SEMA4B: variants seen among roughly 807,000 people sequenced by gnomAD.
SEMA4B encodes semaphorin 4B.
SEMA4B carries 55 observed loss-of-function variants against 88.1 expected under a neutral mutation model. The ratio of observed to expected loss-of-function variants is 0.62; its 90% CI spans 0.50 to 0.78. SEMA4B has a LOEUF of 0.78. SEMA4B is among the 30% of genes least tolerant of loss of function. SEMA4B has a pLI of 0.00. For synonymous variants in SEMA4B, 525 were observed against 473.6 expected (o/e 1.11, Z -1.41); for missense variants, 1,062 against 1,111.9 (o/e 0.96, Z 0.64).
At chr15:90,205,014 A>G in intron 1 of SEMA4B, among the ~76,000 whole-genome samples, 1 of 152,192 alleles carries the variant, frequency 6.6e-6, no homozygotes, top group East Asian at 1.9e-4. Context: ...ACCTTAGGTG[A>G]TCTGCCCATC....
chr15:90,201,881 G>A, intron 1 of SEMA4B, 146 bp downstream of exon 1: 3 of 783,706 alleles, frequency 3.8e-6, no homozygotes, highest in Non-Finnish European at 5.5e-6. Flanking sequence ...TTTTCAAGGC[G>A]CTGCGCGGAG....
intron 1 of SEMA4B, among the ~76,000 whole-genome samples, chr15:90,207,847 T>A (rs1468968260): frequency 6.6e-6 from 1 of 152,218 alleles, no homozygotes; most frequent in Non-Finnish European, 1.5e-5. Context: ...GGCAGACATG[T>A]GGCACACAGG....
At position 90,201,662 on chromosome 15, in the gene SEMA4B, C is replaced by CCTG. The variant is rs770362220; in HGVS notation, c.96_98dup (p.Leu35dup). ...CGCCTCGGCCACCGCTGCTGCTGCT[C>CCTG]CTGCTGCTGCTGCTCCTGCTGCAGC... On this transcript the variant is annotated inframe_insertion, in exon 1 of 14. Transcript: ENST00000411539. 185 of 1,516,654 alleles carry CCTG rather than the reference C, an allele frequency of 1.2e-4. 2 individuals carry two copies. The highest frequency in any genetic ancestry group is 9.7e-5 in the Non-Finnish European group (110 of 1,139,774). The allele number at this position is 1,516,654 out of a possible 1,614,324, so 93.9% of individuals were successfully genotyped here.
chr15:90,219,831 C>G lies in SEMA4B; in HGVS notation c.423C>G (p.Leu141=). 2 of 1,613,608 alleles carry G rather than the reference C, an allele frequency of 1.2e-6. No homozygotes were observed. Among genetic ancestry groups the G allele is most frequent in the Non-Finnish European group, 1.7e-6 (2 of 1,179,786 alleles). ...ACTACATCAAGATCCTCCTGCCGCT[C>G]AGCGGCAGTCACCTGTTCACCTGTG... ...CQNYIKILLP[L]SGSHLFTCGT... The change falls in exon 4 of 14, where the codon CTC becomes CTG. Residue 141 remains leucine, a synonymous_variant. Transcript: ENST00000411539.
chr15:90,195,122 C>A (rs574106016), intron 1 of SEMA4B, among the ~76,000 whole-genome samples: 2 of 150,722 alleles, frequency 1.3e-5, no homozygotes, highest in East Asian at 3.9e-4. Context: ...TTTTTTTAGA[C>A]AGGGTCTCAT....
intron 1 of SEMA4B, among the ~76,000 whole-genome samples, chr15:90,211,217 G>T (rs1258524101): frequency 6.6e-6 from 1 of 152,204 alleles, no homozygotes. Flanking sequence ...CTCCTAAGGT[G>T]ACGGCAGTGG....
In SEMA4B at chr15:90,212,343, G is replaced by A. The variant is rs913662316; in HGVS notation, c.158-5096G>A. Among the ~76,000 whole-genome samples the A allele has an allele frequency of 6.6e-6, 1 of 152,140 alleles. No homozygotes were observed. Among genetic ancestry groups the A allele is most frequent in the African/African-American group, 2.4e-5 (1 of 41,430 alleles). ...GTGAAGCCCCTGGCTGAAGCCTGTC[G>A]GGGTGGAGGGAGAGGGTTCACCCTG... On this transcript the variant is annotated intron_variant, in intron 1 of 13. Coordinates refer to ENST00000411539, the MANE Select transcript of SEMA4B (RefSeq NM_198925.4). The surrounding 1 kb of genome is among the most constrained non-coding windows in gnomAD (Gnocchi z 4.0).
Position 90,201,637 on chromosome 15 carries a change from C to G in SEMA4B, c.59C>G (p.Pro20Arg). 6.6e-7 allele frequency: 1 copy of G among 1,517,070 alleles called. No homozygotes were observed. The highest frequency in any genetic ancestry group is 8.8e-7 in the Non-Finnish European group (1 of 1,140,130). 94.0% of individuals were successfully genotyped at this position (1,517,070 alleles called of 1,614,324 possible). A position where few individuals can be genotyped will look rare whatever the true frequency, so the allele number is the denominator to read the frequency against. ...CTCGCCGCCCCATGGGGCGCGCTGCCGCCTCGGCCACCGCTGCTGCTGCTC... is the reference window on the plus strand; with the variant it reads ...CTCGCCGCCCCATGGGGCGCGCTGCGGCCTCGGCCACCGCTGCTGCTGCTC... The part of the protein sequence containing the change: ...SWLAAPWGAL[P>R]PRPPLLLLLL... The change falls in exon 1 of 14, where the codon CCG (proline) becomes CGG (arginine). Residue 20 changes from proline (P) to arginine (R), a missense_variant. Physicochemically the swap from Pro to Arg is moderately radical, Grantham distance 103 (BLOSUM62 -2). Transcript: ENST00000411539.
At chr15:90,204,748 C>T (rs1445037262) in intron 1 of SEMA4B, among the ~76,000 whole-genome samples, 1 of 152,032 alleles carries the variant, frequency 6.6e-6, no homozygotes, top group Non-Finnish European at 1.5e-5. Flanking sequence ...TCTTTTTGGG[C>T]CACCTTATTT....
At position 90,201,711 on chromosome 15, in the gene SEMA4B, AGCC is replaced by A; in HGVS notation, c.134_136del (p.Ser45_Pro46delinsThr). ...GCCGCCGCCTCCGACCTGGGCGCTC[AGCC>A]CCCGGATCAGCCTGCCTCTGGGTGA... On this transcript the variant is annotated inframe_deletion, in exon 1 of 14. Coordinates refer to ENST00000411539, the MANE Select transcript of SEMA4B (RefSeq NM_198925.4). 1 of 1,493,176 alleles carries A rather than the reference AGCC, an allele frequency of 6.7e-7. No homozygotes were observed. Among genetic ancestry groups the A allele is most frequent in the Admixed American group, 2.1e-5 (1 of 46,684 alleles). The allele number at this position is 1,493,176 out of a possible 1,614,324, so 92.5% of individuals were successfully genotyped here.
chr15:90,215,706 G>A lies in SEMA4B; in HGVS notation c.158-1733G>A, dbSNP rs1007853772. On this transcript the variant is annotated intron_variant, in intron 1 of 13. Coordinates refer to ENST00000411539, the MANE Select transcript of SEMA4B (RefSeq NM_198925.4). ...ACATGCCTGTAATCCCAGCTACTCG[G>A]GAGGCTGAGGCAGAAGAATTGCTCG... Among the ~76,000 whole-genome samples, 10 of 152,256 alleles carry A rather than the reference G, an allele frequency of 6.6e-5. No homozygotes were observed. The East Asian group carries it at 1.4e-3, about 21-fold the overall frequency.
chr15:90,222,200 A>G (rs1448872810), intron 7 of SEMA4B, among the ~76,000 whole-genome samples: 1 of 149,220 alleles, frequency 6.7e-6, no homozygotes, highest in African/African-American at 2.5e-5. Context: ...TCGGCTTCCC[A>G]AAGTGCTGGG....
chr15:90,225,026 G>A lies in SEMA4B; in HGVS notation c.1253G>A (p.Arg418His), dbSNP rs201739545. The change falls in exon 10 of 14, where the codon CGC becomes CAC. Residue 418 changes from arginine to histidine, a missense_variant. Physicochemically the swap from Arg to His is conservative, Grantham distance 29. Coordinates refer to ENST00000411539, the MANE Select transcript of SEMA4B (RefSeq NM_198925.4). Reference protein sequence around the residue: ...KINSSLQLPDRVLNFLKDHFL... With the variant: ...KINSSLQLPDHVLNFLKDHFL... ...AACTCATCCCTGCAGCTCCCAGACCGCGTGCTGAACTTCCTCAAGGACCAC... is the reference window on the plus strand; with the variant it reads ...AACTCATCCCTGCAGCTCCCAGACCACGTGCTGAACTTCCTCAAGGACCAC... 10 of 1,613,950 alleles carry A rather than the reference G, an allele frequency of 6.2e-6. No homozygotes were observed. The highest frequency in any genetic ancestry group is 2.2e-5 in the South Asian group (2 of 91,080).
intron 1 of SEMA4B, among the ~76,000 whole-genome samples, chr15:90,204,980 G>A (rs375156249): frequency 6.6e-6 from 1 of 152,134 alleles, no homozygotes; most frequent in African/African-American, 2.4e-5. Context: ...TCACCATGTT[G>A]TCCAGGCTGG....
rs765772770 is a variant in SEMA4B at position 90,223,841 on chromosome 15, C to A, written c.1047C>A (p.His349Gln). The A allele has an allele frequency of 1.2e-6, 2 of 1,613,870 alleles. No individual in the cohort carries two copies. The highest frequency in any genetic ancestry group is 1.7e-6 in the Non-Finnish European group (2 of 1,179,824). The change falls in exon 9 of 14, where the codon CAC becomes CAA. Residue 349 changes from histidine (H) to glutamine (Q), a missense_variant. Physicochemically the swap from His to Gln is conservative, Grantham distance 24 (BLOSUM62 0). Coordinates refer to ENST00000411539, the MANE Select transcript of SEMA4B (RefSeq NM_198925.4). ...LFYGVFTSQW[H>Q]RGTTEGSAVC... ...AATCTGGTTATTTCCTCTGCAGGCA[C>A]AGGGGAACTACAGAAGGCTCTGCCG...
Position 90,227,593 on chromosome 15 carries a change from G to A in SEMA4B, c.1725G>A (p.Lys575=), listed in dbSNP as rs779492953. 3 of 1,614,028 alleles carry A rather than the reference G, an allele frequency of 1.9e-6. No homozygotes were observed. Among genetic ancestry groups the A allele is most frequent in the Non-Finnish European group, 2.5e-6 (3 of 1,179,890 alleles). ...WIQDIEGASA[K]DLCSASSVVS... ...AGGACATCGAGGGAGCCAGCGCCAA[G>A]GACCTTTGCAGCGCGTCTTCGGTTG... The change falls in exon 13 of 14, where the codon AAG becomes AAA. Residue 575 remains lysine (K), a synonymous_variant. Coordinates refer to ENST00000411539, the MANE Select transcript of SEMA4B (RefSeq NM_198925.4).
chr15:90,210,547 C>T (rs1170772004), intron 1 of SEMA4B, among the ~76,000 whole-genome samples: 4 of 152,120 alleles, frequency 2.6e-5, no homozygotes, highest in Non-Finnish European at 4.4e-5. Context: ...CCACTCCTCC[C>T]GGGGATGACT....
rs893461413 is a variant in SEMA4B at position 90,225,389 on chromosome 15, A to G, written c.1513A>G (p.Thr505Ala). 2.6e-5 allele frequency: 41 copies of G among 1,550,696 alleles called. No homozygotes were observed. Among genetic ancestry groups the G allele is most frequent in the Non-Finnish European group, 3.4e-5 (39 of 1,147,556 alleles). The change falls in exon 11 of 14, where the codon ACC becomes GCC. Residue 505 changes from threonine (T) to alanine (A), a missense_variant. Transcript: ENST00000411539. ...GQPVQNLLLD[T>A]HRGLLYAASH... is the part of the protein sequence containing the mutation. ...GCCCGTGCAGAATCTGCTCCTGGACACCCACAGGGTGAGCAGGCCAACGAG... is the reference window on the plus strand; with the variant it reads ...GCCCGTGCAGAATCTGCTCCTGGACGCCCACAGGGTGAGCAGGCCAACGAG...
At position 90,212,454 on chromosome 15, in the gene SEMA4B, C is replaced by T. The variant is rs77078693; in HGVS notation, c.158-4985C>T. Among the ~76,000 whole-genome samples the T allele has an allele frequency of 8.5e-4, 129 of 152,236 alleles. No homozygotes were observed. The highest frequency in any genetic ancestry group is 3.1e-3 in the African/African-American group (127 of 41,552). Reference sequence around the variant, plus strand: ...TGGATAGATGGATTTAGAGGATGTCCGAGCAGCACAGGCAGCCCAGGAGAG... The same window carrying T: ...TGGATAGATGGATTTAGAGGATGTCTGAGCAGCACAGGCAGCCCAGGAGAG... On this transcript the variant is annotated intron_variant, in intron 1 of 13. Coordinates refer to ENST00000411539, the MANE Select transcript of SEMA4B (RefSeq NM_198925.4). This position sits in a 1 kb window ranked among gnomAD's most constrained non-coding sequence, Gnocchi z 4.0.
Sources: gnomAD v4.1 joint callset for allele counts (sites outside exome capture counted in the v4.1 genomes callset) on GRCh38, gnomAD v4.1.1 for gene constraint, Gnocchi (gnomAD v3.1) non-coding constraint, MANE v1.5 for transcripts, NCBI Gene and HGNC (gene_info 2026-07-23, HGNC 2026-07-21) for gene names.